Variants in RNLS observed in about 807,000 individuals in gnomAD.
RNLS encodes renalase.
A neutral mutation model predicts 39.8 loss-of-function variants in RNLS; 39 were observed. That is an observed-to-expected ratio of 0.98 (90% CI 0.76 to 1.28). The LOEUF is 1.28. Ranked by LOEUF, RNLS falls within the 50% of genes most tolerant of loss-of-function variation. The probability of loss-of-function intolerance (pLI) is 0.00; values close to 1 mark genes in which losing one functional copy is unlikely to be tolerated. For missense variants in RNLS, 410 were observed against 413.3 expected (o/e 0.99, Z 0.07); for synonymous variants, 147 against 150.7 (o/e 0.98, Z 0.18).
intron 4 of RNLS, among the ~76,000 whole-genome samples, chr10:88,569,686 A>T (rs2134430132): frequency 6.6e-6 from 1 of 152,320 alleles, no homozygotes; most frequent in East Asian, 1.9e-4. Flanking sequence ...TATTTTAAAA[A>T]ATAAGGTCTA....
At chr10:88,501,942 C>T (rs117316322) in intron 4 of RNLS, among the ~76,000 whole-genome samples, 3,235 of 152,182 alleles carry the variant, frequency 0.021, 58 homozygotes, top group Non-Finnish European at 0.032. Flanking sequence ...TCTGTTTACT[C>T]CTATTATAAC....
intron 6 of RNLS, among the ~76,000 whole-genome samples, chr10:88,289,219 GCAAACGCCAAAGCCCCT>G (rs1432072114): frequency 6.6e-6 from 1 of 152,112 alleles, no homozygotes; most frequent in East Asian, 1.9e-4. Context: ...TATATAAAAT[GCAAACGCCAAAGCCCCT>G]CATGGAGAGC....
At chr10:88,236,483 C>T in the RNLS span, among the ~76,000 whole-genome samples, 1 of 152,166 alleles carries the variant, frequency 6.6e-6, no homozygotes, top group African/African-American at 2.4e-5. Context: ...AGAAAGGCTA[C>T]CCTTGATAGT....
intron 4 of RNLS, among the ~76,000 whole-genome samples, chr10:88,509,094 G>A (rs369353960): frequency 7.2e-5 from 11 of 152,140 alleles, no homozygotes; most frequent in African/African-American, 2.6e-4. Flanking sequence ...TTCCTCTGTG[G>A]CTCTTATTTG....
the RNLS span, among the ~76,000 whole-genome samples, chr10:88,176,423 C>G: frequency 2.0e-5 from 3 of 152,206 alleles, no homozygotes; most frequent in Admixed American, 2.0e-4. Flanking sequence ...ATCCACCTGC[C>G]TTAGCCTCCC....
intron 5 of RNLS, among the ~76,000 whole-genome samples, chr10:88,317,414 C>T (rs912289183): frequency 3.9e-5 from 6 of 152,126 alleles, no homozygotes; most frequent in African/African-American, 1.4e-4. Flanking sequence ...TTCTTGTTTC[C>T]ACCTCTCCAC....
At chr10:88,217,469 T>C in the RNLS span, among the ~76,000 whole-genome samples, 1 of 152,140 alleles carries the variant, frequency 6.6e-6, no homozygotes, top group Non-Finnish European at 1.5e-5. Flanking sequence ...AAAGTGATCC[T>C]CACTCTAGGA....
chr10:88,514,033 T>A (rs2134166455), intron 4 of RNLS, among the ~76,000 whole-genome samples: 1 of 151,998 alleles, frequency 6.6e-6, no homozygotes, highest in South Asian at 2.1e-4. Context: ...TGTCTTATTA[T>A]GGTAAGAACA....
At chr10:88,479,499 C>T (rs1227461167) in intron 4 of RNLS, among the ~76,000 whole-genome samples, 1 of 152,026 alleles carries the variant, frequency 6.6e-6, no homozygotes, top group Admixed American at 6.6e-5. Context: ...ATAAGACAAC[C>T]CATGTAAATG....
At chr10:88,540,350 G>A (rs1847975182) in intron 4 of RNLS, among the ~76,000 whole-genome samples, 1 of 152,046 alleles carries the variant, frequency 6.6e-6, no homozygotes, top group Non-Finnish European at 1.5e-5. Flanking sequence ...TTCAACAAAG[G>A]TAATAATTAA....
chr10:88,572,489 A>G (rs1849895054), intron 4 of RNLS, among the ~76,000 whole-genome samples: 1 of 152,198 alleles, frequency 6.6e-6, no homozygotes, highest in Non-Finnish European at 1.5e-5. Context: ...AGAGCTAGCT[A>G]GACAATTGCC....
intron 4 of RNLS, among the ~76,000 whole-genome samples, chr10:88,541,358 C>G (rs568073952): frequency 6.6e-6 from 1 of 152,270 alleles, no homozygotes; most frequent in South Asian, 2.1e-4. Context: ...TTGGCAGATC[C>G]TGGCTTTTCA....
downstream of RNLS, among the ~76,000 whole-genome samples, chr10:88,281,482 C>G (rs577097281): frequency 6.6e-6 from 1 of 152,282 alleles, no homozygotes; most frequent in African/African-American, 2.4e-5. Flanking sequence ...CTTGTCTTCT[C>G]CTAAGTAGAA....
At chr10:88,476,176 A>G (rs554036376) in intron 4 of RNLS, among the ~76,000 whole-genome samples, 1 of 152,282 alleles carries the variant, frequency 6.6e-6, no homozygotes, top group South Asian at 2.1e-4. Flanking sequence ...GCCTATTAAA[A>G]TCTCACAGAA....
the RNLS span, among the ~76,000 whole-genome samples, chr10:88,180,752 A>G: frequency 1.3e-5 from 2 of 152,220 alleles, no homozygotes; most frequent in Non-Finnish European, 2.9e-5. Context: ...ATGTAGAGCT[A>G]GGTAGAGATA....
chr10:88,351,712 T>C (rs1383150291), intron 5 of RNLS, among the ~76,000 whole-genome samples: 2 of 152,202 alleles, frequency 1.3e-5, no homozygotes, highest in Non-Finnish European at 2.9e-5. Context: ...CATATGAACT[T>C]TAAAGTAGTT....
intron 5 of RNLS, among the ~76,000 whole-genome samples, chr10:88,352,411 G>T (rs1036142608): frequency 1.3e-5 from 2 of 152,084 alleles, no homozygotes; most frequent in African/African-American, 2.4e-5. Context: ...TAGCATGAAG[G>T]GTTGTTGAAT....
chr10:88,348,927 T>C (rs1030533693), intron 5 of RNLS, among the ~76,000 whole-genome samples: 2 of 152,164 alleles, frequency 1.3e-5, no homozygotes, highest in Non-Finnish European at 2.9e-5. Flanking sequence ...AGCATCTTTT[T>C]ATATTCATGA....
chr10:88,343,277 A>G lies in RNLS; in HGVS notation c.700+19275T>C, dbSNP rs556629406. Among the ~76,000 whole-genome samples the G allele has an allele frequency of 7.9e-4, 120 of 151,732 alleles. No individual in the cohort carries two copies. The South Asian group carries it at 1.0e-2, about 13-fold the overall frequency. The stretch of plus-strand genomic sequence containing the variant: ...TGACAGTGACAGTGACGATGAAGAG[A>G]AGTGAATTCAAAGTCTATTTTTGAA... On this transcript the variant is annotated intron_variant, in intron 5 of 6. Coordinates refer to ENST00000331772, the MANE Select transcript of RNLS (RefSeq NM_001031709.3).
Sources: allele counts gnomAD v4.1 joint callset (sites outside exome capture counted in the v4.1 genomes callset), GRCh38; gene constraint gnomAD v4.1.1; transcripts MANE v1.5; gene names NCBI Gene and HGNC (gene_info 2026-07-23, HGNC 2026-07-21).